EML6: variants seen among roughly 807,000 people sequenced by gnomAD.
The protein encoded by EML6 is EMAP like 6.
In EML6, 154 loss-of-function variants were observed where a neutral mutation model predicts 240.1. The ratio of observed to expected loss-of-function variants is 0.64; its 90% confidence interval spans 0.56 to 0.73. The LOEUF (loss-of-function observed/expected upper bound fraction) is 0.73. Ranked by LOEUF, EML6 falls within the 30% of genes least tolerant of loss-of-function variation. The probability of loss-of-function intolerance (pLI) is 0.00; values close to 1 mark genes in which losing one functional copy is unlikely to be tolerated. For synonymous variants in EML6, 1,148 were observed against 899.0 expected, an observed-to-expected ratio of 1.28 and a Z score of -4.95; for missense variants, 2,964 against 2,474.6, an observed-to-expected ratio of 1.20 and a Z score of -4.20.
intron 2 of EML6, among the ~76,000 whole-genome samples, chr2:54,795,507 G>A (rs1446288657): frequency 6.6e-6 from 1 of 152,192 alleles, no homozygotes; most frequent in African/African-American, 2.4e-5. Context: ...AAATACACGT[G>A]TGGGGGAGGA....
chr2:54,892,728 C>G, intron 19 of EML6, 72 bp downstream of exon 19: 3 of 1,191,728 alleles, frequency 2.5e-6, no homozygotes, highest in Non-Finnish European at 3.5e-6. Context: ...TAGGATGGCC[C>G]AAGAGGATGC....
At chr2:54,931,876 A>C (rs1459552573) in intron 28 of EML6, among the ~76,000 whole-genome samples, 1 of 152,174 alleles carries the variant, frequency 6.6e-6, no homozygotes, top group Non-Finnish European at 1.5e-5. Flanking sequence ...TGACTGTAGC[A>C]CCTGTCGTAC....
intron 28 of EML6, among the ~76,000 whole-genome samples, chr2:54,947,802 C>A (rs1037372895): frequency 2.6e-5 from 4 of 152,170 alleles, no homozygotes; most frequent in African/African-American, 9.7e-5. Flanking sequence ...CCAGAGACGC[C>A]AGGGTATGAG....
chr2:54,853,746 T>G lies in EML6; in HGVS notation c.1548T>G (p.Thr516=), dbSNP rs1259618112. ...PEVSGIWPKY[T]EVTDINSVDA... is the part of the protein sequence containing the mutation. The stretch of plus-strand genomic sequence containing the variant: ...TGAGTGGAATTTGGCCCAAATACAC[T>G]GAGGTTACTGACATCAACTCAGTGG... Residue 516 remains threonine (T), a synonymous_variant, in exon 11 of 42, where the codon ACT becomes ACG. Coordinates refer to ENST00000356458, the MANE Select transcript of EML6 (RefSeq NM_001039753.4). The G allele has an allele frequency of 2.6e-6, 4 of 1,551,612 alleles. No homozygotes were observed. Among genetic ancestry groups the G allele is most frequent in the Admixed American group, 3.9e-5 (2 of 50,994 alleles).
intron 28 of EML6, 142 bp downstream of exon 28, chr2:54,928,893 A>T: frequency 1.0e-6 from 1 of 1,002,804 alleles, no homozygotes; most frequent in East Asian, 2.6e-5. Context: ...ACCTGTACAC[A>T]GGCTTAAGCT....
intron 2 of EML6, among the ~76,000 whole-genome samples, chr2:54,811,168 C>A (rs561145236): frequency 3.3e-5 from 5 of 152,136 alleles, no homozygotes; most frequent in African/African-American, 7.2e-5. Context: ...TCCTAACACC[C>A]CTCACAGATC....
At chr2:54,795,027 C>T (rs1669682908) in intron 2 of EML6, among the ~76,000 whole-genome samples, 1 of 152,152 alleles carries the variant, frequency 6.6e-6, no homozygotes, top group Non-Finnish European at 1.5e-5. Flanking sequence ...CCACGCCATT[C>T]TTACATAGTA....
chr2:54,865,721 A>G (rs537110175), intron 13 of EML6, among the ~76,000 whole-genome samples: 3 of 152,338 alleles, frequency 2.0e-5, no homozygotes, highest in African/African-American at 4.8e-5. Context: ...TCTGATCCCA[A>G]ACATTTCAGA....
At chr2:54,960,374 G>C (rs758541359) in intron 35 of EML6, 40 bp downstream of exon 35, 49 of 1,469,632 alleles carry the variant, frequency 3.3e-5, no homozygotes, top group Non-Finnish European at 4.3e-5. Flanking sequence ...GGCCAGGGAA[G>C]GGGGAAGTGT....
intron 16 of EML6, among the ~76,000 whole-genome samples, chr2:54,878,685 C>T (rs1253296832): frequency 2.0e-5 from 3 of 151,930 alleles, no homozygotes; most frequent in Admixed American, 6.6e-5. Flanking sequence ...AGCAGACAAG[C>T]GATGTGAAAA....
chr2:54,910,029 A>G (rs1673556784), intron 24 of EML6, among the ~76,000 whole-genome samples: 1 of 152,136 alleles, frequency 6.6e-6, no homozygotes, highest in Non-Finnish European at 1.5e-5. Flanking sequence ...AAAAGGAGAA[A>G]TATTATGTAT....
chr2:54,811,744 T>TG (rs1667858485), intron 2 of EML6, among the ~76,000 whole-genome samples: 1 of 152,208 alleles, frequency 6.6e-6, no homozygotes. Flanking sequence ...GCCATAATCT[T>TG]GCAGTTTTCT....
At chr2:54,952,488 T>C in intron 30 of EML6, 106 bp from the exon 31 acceptor site, 3 of 645,428 alleles carry the variant, frequency 4.6e-6, no homozygotes, top group Non-Finnish European at 5.2e-6. Context: ...GGCTGTAAGC[T>C]CTCACTTTTA....
At chr2:54,769,215 T>C (rs554104025) in intron 2 of EML6, among the ~76,000 whole-genome samples, 20 of 152,318 alleles carry the variant, frequency 1.3e-4, no homozygotes, top group African/African-American at 4.8e-4. Context: ...GATGAATTAG[T>C]AGTGATGTCA....
intron 17 of EML6, among the ~76,000 whole-genome samples, chr2:54,890,568 A>G (rs572038601): frequency 6.6e-6 from 1 of 152,258 alleles, no homozygotes; most frequent in Admixed American, 6.5e-5. Context: ...CAGGGCTTCA[A>G]CTTCTAAACA....
Position 54,968,121 on chromosome 2 carries a change from G to C in EML6, c.5598-7G>C. ...TTCTATCCTAACCCCTCTTTCTGTT[G>C]GAACAGCGTCCTGGGAGATGAAGTC... On this transcript the variant is annotated splice_region_variant and splice_polypyrimidine_tract_variant and intron_variant, in intron 39 of 41. Coordinates refer to ENST00000356458, the MANE Select transcript of EML6 (RefSeq NM_001039753.4). 6.4e-7 allele frequency: 1 copy of C among 1,550,620 alleles called. No individual in the cohort carries two copies. Among genetic ancestry groups the C allele is most frequent in the Non-Finnish European group, 8.7e-7 (1 of 1,146,952 alleles).
At chr2:54,857,156 C>T (rs77468431) in intron 11 of EML6, among the ~76,000 whole-genome samples, 8,294 of 152,206 alleles carry the variant, frequency 0.054, 319 homozygotes, top group South Asian at 0.11. Flanking sequence ...AGGAATGTCT[C>T]GGTCTGTTTT....
At chr2:54,772,102 C>T (rs989443904) in intron 2 of EML6, among the ~76,000 whole-genome samples, 3 of 152,264 alleles carry the variant, frequency 2.0e-5, no homozygotes, top group South Asian at 4.1e-4. Flanking sequence ...TCATGAATCC[C>T]GTGGAAGCCA....
chr2:54,886,082 G>C (rs987584047), intron 17 of EML6, among the ~76,000 whole-genome samples: 3 of 149,328 alleles, frequency 2.0e-5, no homozygotes. Context: ...TGAACCTTCT[G>C]TACCCATCAC....
Sources: allele counts gnomAD v4.1 joint callset (sites outside exome capture counted in the v4.1 genomes callset), GRCh38; gene constraint gnomAD v4.1.1; transcripts MANE v1.5; gene names NCBI Gene and HGNC (gene_info 2026-07-23, HGNC 2026-07-21).